Variants in AIMP2 observed in about 807,000 individuals in gnomAD.
AIMP2 encodes the protein aminoacyl tRNA synthase complex-interacting multifunctional protein 2.
AIMP2 carries 20 observed loss-of-function variants against 23.4 expected under a neutral mutation model. The ratio of observed to expected loss-of-function variants is 0.85; its 90% CI spans 0.60 to 1.24. The LOEUF is 1.24. Ranked by LOEUF, AIMP2 falls within the 50% of genes most tolerant of loss-of-function variation. The pLI, the probability that AIMP2 is intolerant of heterozygous loss-of-function variation, is 0.00. For missense variants in AIMP2, 515 were observed against 414.5 expected (o/e 1.24, Z -2.10); for synonymous variants, 210 against 170.4 (o/e 1.23, Z -1.81).
At chr7:6,012,348 C>G (rs549292524) in intron 1 of AIMP2, among the ~76,000 whole-genome samples, 2 of 151,824 alleles carry the variant, frequency 1.3e-5, no homozygotes, top group South Asian at 2.1e-4. Context: ...TAAATTAAAA[C>G]TAATGGAGAA....
chr7:6,018,056 G>A lies in AIMP2; in HGVS notation c.574+11G>A, dbSNP rs778108674. ...TAATTTGGAAGAATGGTAAGTAGAC[G>A]GGACTGAGTTCAACTTACACACAGC... On this transcript the variant is annotated intron_variant, in intron 3 of 3. Coordinates refer to ENST00000223029, the MANE Select transcript of AIMP2 (RefSeq NM_006303.4). The A allele has an allele frequency of 1.4e-5, 23 of 1,603,424 alleles. No homozygotes were observed. Among genetic ancestry groups the A allele is most frequent in the Middle Eastern group, 1.7e-4 (1 of 6,048 alleles).
At chr7:6,009,648 A>C in intron 1 of AIMP2, 150 bp downstream of exon 1, 2 of 671,950 alleles carry the variant, frequency 3.0e-6, no homozygotes, top group Non-Finnish European at 4.3e-6. Context: ...TCAGACTTTT[A>C]TGTTTTAAAA....
intron 3 of AIMP2, among the ~76,000 whole-genome samples, chr7:6,019,822 G>C (rs1470454054): frequency 6.6e-6 from 1 of 152,048 alleles, no homozygotes; most frequent in Non-Finnish European, 1.5e-5. Context: ...AAGAGATCAA[G>C]ATTATCCTGG....
chr7:6,013,655 G>C (rs1860460), intron 1 of AIMP2, among the ~76,000 whole-genome samples: 1 of 151,956 alleles, frequency 6.6e-6, no homozygotes, highest in Non-Finnish European at 1.5e-5. Context: ...GCTAGGTGAA[G>C]AATGGTGGCC....
intron 1 of AIMP2, among the ~76,000 whole-genome samples, chr7:6,014,723 T>C (rs969411343): frequency 2.0e-5 from 3 of 151,980 alleles, no homozygotes; most frequent in African/African-American, 7.2e-5. Context: ...TTATTTTTTT[T>C]TATTTTTATT....
intron 3 of AIMP2, among the ~76,000 whole-genome samples, chr7:6,019,573 C>A (rs1158524414): frequency 6.6e-6 from 1 of 151,506 alleles, no homozygotes; most frequent in East Asian, 1.9e-4. Flanking sequence ...CACTGTGGGA[C>A]ACTTACAAAG....
intron 1 of AIMP2, among the ~76,000 whole-genome samples, chr7:6,011,009 T>C (rs1208508039): frequency 1.3e-5 from 2 of 152,292 alleles, no homozygotes; most frequent in African/African-American, 2.4e-5. Context: ...AGTCATTTTA[T>C]TGTAATATCA....
At chr7:6,016,773 G>A (rs183287548) in intron 2 of AIMP2, 2 of 152,318 alleles carry the variant, frequency 1.3e-5, no homozygotes, top group East Asian at 1.9e-4. Flanking sequence ...GGCAGGCGGG[G>A]TACAGAAAGC....
Position 6,023,326 on chromosome 7 carries a change from A to G in AIMP2, c.598A>G (p.Ser200Gly), listed in dbSNP as rs760513787. The G allele has an allele frequency of 6.2e-7, 1 of 1,601,872 alleles. No individual in the cohort carries two copies. Among genetic ancestry groups the G allele is most frequent in the South Asian group, 1.1e-5 (1 of 89,290 alleles). The change falls in exon 4 of 4, where the codon AGC becomes GGC. Residue 200 changes from serine to glycine, a missense_variant. By Grantham distance (56) the Ser-to-Gly change is moderately conservative. Coordinates refer to ENST00000223029, the MANE Select transcript of AIMP2 (RefSeq NM_006303.4). ...KNVPKTQMKF[S>G]IQTMCPIEGE... ...AGTGCCGAAGACGCAGATGAAATTC[A>G]GCATCCAGACGATGTGCCCCATCGA...
chr7:6,014,162 T>C (rs1786870415), intron 1 of AIMP2, among the ~76,000 whole-genome samples: 1 of 151,706 alleles, frequency 6.6e-6, no homozygotes, highest in Non-Finnish European at 1.5e-5. Flanking sequence ...TCATTTTCTA[T>C]CCTTCCCTGT....
chr7:6,017,256 C>G (rs983867841), intron 2 of AIMP2, among the ~76,000 whole-genome samples: 1 of 151,978 alleles, frequency 6.6e-6, no homozygotes, highest in Non-Finnish European at 1.5e-5. Flanking sequence ...TGGCTCCCAT[C>G]TGTAATCCCA....
intron 3 of AIMP2, 80 bp from the exon 4 acceptor site, chr7:6,023,223 G>A: frequency 6.8e-7 from 1 of 1,469,370 alleles, no homozygotes; most frequent in Non-Finnish European, 9.0e-7. Context: ...GGTGTTTGGT[G>A]ACTGTCCCCT....
intron 2 of AIMP2, among the ~76,000 whole-genome samples, chr7:6,016,506 C>T (rs1016495270): frequency 6.6e-6 from 1 of 152,156 alleles, no homozygotes; most frequent in Admixed American, 6.5e-5. Flanking sequence ...TGTTGGCATG[C>T]ACTGAGGACT....
chr7:6,013,072 C>T (rs1393591814), intron 1 of AIMP2: 1 of 764,798 alleles, frequency 1.3e-6, no homozygotes, highest in African/African-American at 1.9e-5. Context: ...TGGTCAGAGC[C>T]AGGGTGGTGG....
At chr7:6,020,353 G>A (rs1288193717) in intron 3 of AIMP2, among the ~76,000 whole-genome samples, 2 of 151,026 alleles carry the variant, frequency 1.3e-5, no homozygotes, top group Admixed American at 1.3e-4. Flanking sequence ...CCCAGGAAGT[G>A]GAGGTTGCCG....
chr7:6,009,966 A>ATATATATATATATATAT (rs1162854647), intron 1 of AIMP2, among the ~76,000 whole-genome samples: 23 of 40,202 alleles, frequency 5.7e-4, no homozygotes, highest in Non-Finnish European at 9.5e-4. Context: ...AAAAAAAAAA[A>ATATATATATATATATAT]AAAAAAAAAT....
chr7:6,022,550 G>C (rs370663013), intron 3 of AIMP2: 2 of 152,236 alleles, frequency 1.3e-5, no homozygotes, highest in African/African-American at 4.8e-5. Context: ...GCCACATAGC[G>C]ATTTGCATCA....
At chr7:6,014,250 CTTTTTT>C (rs57008315) in intron 1 of AIMP2, among the ~76,000 whole-genome samples, 2 of 67,538 alleles carry the variant, frequency 3.0e-5, no homozygotes, top group African/African-American at 6.1e-5. Context: ...TTTGTTGAAG[CTTTTTT>C]TTTTTTTTTT....
chr7:6,015,692 C>G (rs1023644159), intron 2 of AIMP2, among the ~76,000 whole-genome samples: 1 of 152,256 alleles, frequency 6.6e-6, no homozygotes, highest in Non-Finnish European at 1.5e-5. Context: ...CCACTACACT[C>G]CAGCCTGGGC....
Sources: gnomAD v4.1 joint callset for allele counts (sites outside exome capture counted in the v4.1 genomes callset) on GRCh38, gnomAD v4.1.1 for gene constraint, MANE v1.5 for transcripts, NCBI Gene and HGNC (gene_info 2026-07-23, HGNC 2026-07-21) for gene names.